The following EYS variants were observed in gnomAD, a reference collection of about 807,000 sequenced individuals.
The protein encoded by EYS is protein eyes shut homolog.
Under a neutral mutation model 282.1 loss-of-function variants are expected in EYS, and 250 were observed. The observed-to-expected ratio is 0.89, with a 90% CI of 0.80 to 0.98. EYS has a LOEUF of 0.98. Ranked by LOEUF, EYS falls within the 50% of genes least tolerant of loss-of-function variation. The pLI, the probability that EYS is intolerant of heterozygous loss-of-function variation, is 0.00. For synonymous variants in EYS, 1,355 were observed against 1,282.9 expected, an observed-to-expected ratio of 1.06 and a Z score of -1.20; for missense variants, 4,016 against 3,709.0, an observed-to-expected ratio of 1.08 and a Z score of -2.15.
intron 12 of EYS, among the ~76,000 whole-genome samples, chr6:65,253,145 T>A (rs750093785): frequency 5.9e-5 from 9 of 151,924 alleles, no homozygotes; most frequent in Non-Finnish European, 8.8e-5. Context: ...AACAAAACCC[T>A]TCAGACACAT....
chr6:64,744,263 C>T (rs763230746), intron 22 of EYS, among the ~76,000 whole-genome samples: 3 of 152,150 alleles, frequency 2.0e-5, no homozygotes, highest in Non-Finnish European at 4.4e-5. Context: ...TGGGGCTCCA[C>T]ACCACTAATC....
chr6:64,027,679 G>C (rs552018311), intron 33 of EYS, among the ~76,000 whole-genome samples: 19 of 152,270 alleles, frequency 1.2e-4, no homozygotes, highest in African/African-American at 2.2e-4. Flanking sequence ...CTTTAAAAAA[G>C]ATTGTCCAAT....
intron 39 of EYS, among the ~76,000 whole-genome samples, chr6:63,784,654 C>T (rs1256591419): frequency 3.9e-5 from 6 of 152,024 alleles, no homozygotes; most frequent in Non-Finnish European, 7.4e-5. Flanking sequence ...CATGAGAACG[C>T]ACTATCACAA....
At chr6:64,906,347 T>C (rs1767826836) in intron 16 of EYS, among the ~76,000 whole-genome samples, 1 of 152,142 alleles carries the variant, frequency 6.6e-6, no homozygotes, top group Non-Finnish European at 1.5e-5. Flanking sequence ...ATTATGTATG[T>C]ATTTTCTTTA....
At chr6:65,288,341 T>G (rs899430059) in intron 12 of EYS, among the ~76,000 whole-genome samples, 3 of 150,706 alleles carry the variant, frequency 2.0e-5, no homozygotes, top group Non-Finnish European at 4.5e-5. Flanking sequence ...TGTCTGAGTC[T>G]TCCACTGAAT....
chr6:64,913,845 G>A (rs1768079835), intron 15 of EYS, among the ~76,000 whole-genome samples: 1 of 151,910 alleles, frequency 6.6e-6, no homozygotes, highest in Non-Finnish European at 1.5e-5. Flanking sequence ...TGCTTTCTGT[G>A]GGCTGAACTA....
intron 26 of EYS, among the ~76,000 whole-genome samples, chr6:64,585,650 T>C (rs955641994): frequency 6.6e-6 from 1 of 152,134 alleles, no homozygotes; most frequent in Non-Finnish European, 1.5e-5. Context: ...GATGTAGTTT[T>C]ATATATAGCA....
intron 11 of EYS, among the ~76,000 whole-genome samples, chr6:65,319,912 C>T (rs1472098229): frequency 6.6e-6 from 1 of 151,062 alleles, no homozygotes; most frequent in East Asian, 1.9e-4. Context: ...CTTCCTTCTC[C>T]CCCAGCCATC....
chr6:65,678,882 G>GA (rs1263597770), intron 1 of EYS, among the ~76,000 whole-genome samples: 1 of 148,814 alleles, frequency 6.7e-6, no homozygotes, highest in African/African-American at 2.4e-5. Context: ...TTTTAAACAG[G>GA]AAAAAACAGA....
At chr6:65,011,380 G>T (rs546636211) in intron 13 of EYS, among the ~76,000 whole-genome samples, 1 of 152,268 alleles carries the variant, frequency 6.6e-6, no homozygotes, top group South Asian at 2.1e-4. Context: ...TGTTAAGTTT[G>T]TCTCTTCCAG....
intron 13 of EYS, among the ~76,000 whole-genome samples, chr6:65,056,188 T>C (rs1043163923): frequency 1.3e-5 from 2 of 152,030 alleles, no homozygotes; most frequent in African/African-American, 4.8e-5. Context: ...GGGAGCTCCT[T>C]CCATTGGCTC....
At chr6:65,039,132 C>G (rs1196679718) in intron 13 of EYS, among the ~76,000 whole-genome samples, 2 of 151,410 alleles carry the variant, frequency 1.3e-5, no homozygotes, top group Non-Finnish European at 3.0e-5. Context: ...TTTTCTCCTT[C>G]ATAGTTTTAG....
chr6:64,514,076 T>C (rs193140913), intron 26 of EYS, among the ~76,000 whole-genome samples: 3 of 151,848 alleles, frequency 2.0e-5, no homozygotes, highest in South Asian at 2.1e-4. Context: ...TTCATCTGCA[T>C]TGATATCACA....
intron 15 of EYS, among the ~76,000 whole-genome samples, chr6:64,938,181 T>C (rs1768972471): frequency 6.6e-6 from 1 of 151,588 alleles, no homozygotes; most frequent in Non-Finnish European, 1.5e-5. Context: ...ATAATAAAAG[T>C]ATTCTAACAT....
chr6:65,448,015 T>C (rs1768741240), intron 5 of EYS, among the ~76,000 whole-genome samples: 1 of 152,054 alleles, frequency 6.6e-6, no homozygotes, highest in Admixed American at 6.6e-5. Context: ...TACAGTCAAG[T>C]CAGATTACGA....
chr6:64,370,268 T>C (rs1401899004), intron 29 of EYS, among the ~76,000 whole-genome samples: 2 of 152,176 alleles, frequency 1.3e-5, no homozygotes, highest in African/African-American at 4.8e-5. Flanking sequence ...CTTTTCATTA[T>C]CTATTGTGAT....
chr6:64,020,759 T>A (rs1214203843), intron 33 of EYS, among the ~76,000 whole-genome samples: 1 of 152,202 alleles, frequency 6.6e-6, no homozygotes, highest in Non-Finnish European at 1.5e-5. Context: ...AGCAAACTTT[T>A]CCATGGTGGG....
At chr6:64,325,856 G>C (rs1582601035) in intron 29 of EYS, among the ~76,000 whole-genome samples, 1 of 151,896 alleles carries the variant, frequency 6.6e-6, no homozygotes, top group East Asian at 1.9e-4. Context: ...ATCTAAAAAA[G>C]ACAAAGAAAA....
At chr6:65,555,867 A>G (rs1768780538) in intron 2 of EYS, among the ~76,000 whole-genome samples, 1 of 152,234 alleles carries the variant, frequency 6.6e-6, no homozygotes, top group South Asian at 2.1e-4. Context: ...TGAATACTGT[A>G]AAATATCTCA....
Sources: gnomAD v4.1 joint callset for allele counts (sites outside exome capture counted in the v4.1 genomes callset) on GRCh38, gnomAD v4.1.1 for gene constraint, MANE v1.5 for transcripts, NCBI Gene and HGNC (gene_info 2026-07-23, HGNC 2026-07-21) for gene names.